The following NEIL3 variants were observed in gnomAD, a reference collection of about 807,000 sequenced individuals.
NEIL3 encodes the protein nei like DNA glycosylase 3, also known as endonuclease 8-like 3.
NEIL3 carries 48 observed loss-of-function variants against 57.5 expected under a neutral mutation model. The ratio of observed to expected loss-of-function variants is 0.83; its 90% CI spans 0.66 to 1.06. The LOEUF (loss-of-function observed/expected upper bound fraction) is 1.06, where lower values mean the gene tolerates loss of function less well. NEIL3 is among the 50% of genes least tolerant of loss of function. NEIL3 has a pLI of 0.00. For synonymous variants in NEIL3, 261 were observed against 253.2 expected (o/e 1.03, Z -0.29); for missense variants, 717 against 739.1 (o/e 0.97, Z 0.35).
intron 6 of NEIL3, among the ~76,000 whole-genome samples, chr4:177,347,067 A>G (rs1011880337): frequency 2.0e-5 from 3 of 152,206 alleles, no homozygotes; most frequent in East Asian, 3.9e-4. Context: ...TGAGGCGATG[A>G]TAAGTGGTGA....
At chr4:177,330,314 C>T (rs1042713454) in intron 2 of NEIL3, among the ~76,000 whole-genome samples, 20 of 152,084 alleles carry the variant, frequency 1.3e-4, no homozygotes, top group Admixed American at 5.2e-4. Flanking sequence ...AAAATGAAAA[C>T]GCCAGATCAA....
the NEIL3 span, among the ~76,000 whole-genome samples, chr4:177,371,097 A>T: frequency 7.9e-5 from 12 of 152,360 alleles, no homozygotes; most frequent in Non-Finnish European, 1.6e-4. Flanking sequence ...TTAAAACTAC[A>T]TACTAGCATT....
intron 2 of NEIL3, among the ~76,000 whole-genome samples, chr4:177,333,718 A>AT (rs1463444548): frequency 6.6e-6 from 1 of 152,198 alleles, no homozygotes; most frequent in African/African-American, 2.4e-5. Flanking sequence ...TCATTCCCAT[A>AT]GACAGCTCTC....
In NEIL3 at chr4:177,310,022, G is replaced by A. The variant is rs141063624; in HGVS notation, c.69G>A (p.Ala23=). 1,957 of 1,610,546 alleles carry A rather than the reference G, an allele frequency of 1.2e-3. 8 individuals carry two copies. Among genetic ancestry groups the A allele is most frequent in the Non-Finnish European group, 1.5e-3 (1,767 of 1,179,006 alleles). The part of the protein sequence containing the change: ...KIRARVLPGQ[A]VTGVRGSALR... ...GCGCGCGGGTGCTCCCGGGCCAGGC[G>A]GTGACCGGCGTGCGGGGAAGCGCTC... The change falls in exon 1 of 10, where the codon GCG becomes GCA. Residue 23 remains alanine (A), a synonymous_variant. Coordinates refer to ENST00000264596, the MANE Select transcript of NEIL3 (RefSeq NM_018248.3).
chr4:177,348,571 A>G (rs955384269), intron 6 of NEIL3, among the ~76,000 whole-genome samples: 1 of 152,042 alleles, frequency 6.6e-6, no homozygotes, highest in African/African-American at 2.4e-5. Flanking sequence ...GCTGCCTGCA[A>G]TCCTCTGAGT....
chr4:177,362,179 A>G (rs1001849457), intron 9 of NEIL3, 110 bp from the exon 10 acceptor site: 2 of 629,598 alleles, frequency 3.2e-6, no homozygotes, highest in Middle Eastern at 5.4e-4. Context: ...TGTCAAATTA[A>G]TGATAACAGC....
chr4:177,346,070 AT>A (rs1735214933), intron 6 of NEIL3, among the ~76,000 whole-genome samples: 1 of 152,176 alleles, frequency 6.6e-6, no homozygotes, highest in Non-Finnish European at 1.5e-5. Context: ...TAATGAACAA[AT>A]TTTGCCCCTA....
intron 2 of NEIL3, 21 bp downstream of exon 2, chr4:177,322,601 A>C (rs1355328168): frequency 6.2e-7 from 1 of 1,613,528 alleles, no homozygotes; most frequent in South Asian, 1.1e-5. Flanking sequence ...CCTGTACGAT[A>C]CATCTTATCT....
Position 177,309,994 on chromosome 4 carries a change from T to C in NEIL3, c.41T>C (p.Ile14Thr), listed in dbSNP as rs753098676. Residue 14 changes from isoleucine (I) to threonine (T), a missense_variant, in exon 1 of 10, where the codon ATT becomes ACT. Ile to Thr is a moderately conservative substitution (Grantham distance 89, BLOSUM62 -1). Transcript: ENST00000264596. ...GPGCTLNGEK[I>T]RARVLPGQAV... ...GGCTGTACTCTGAATGGAGAGAAGA[T>C]TCGCGCGCGGGTGCTCCCGGGCCAG... The C allele has an allele frequency of 6.2e-7, 1 of 1,610,242 alleles. No homozygotes were observed. Among genetic ancestry groups the C allele is most frequent in the Non-Finnish European group, 8.5e-7 (1 of 1,178,672 alleles).
downstream of NEIL3, among the ~76,000 whole-genome samples, chr4:177,367,460 C>G (rs555296690): frequency 6.6e-6 from 1 of 152,236 alleles, no homozygotes; most frequent in South Asian, 2.1e-4. Flanking sequence ...CAGGTGATCC[C>G]CTGGGTTGCC....
intron 8 of NEIL3, chr4:177,356,905 G>A (rs1259941802): frequency 1.3e-5 from 2 of 152,336 alleles, no homozygotes. Context: ...AAGAATGCAT[G>A]TGTTTTAGGC....
Position 177,362,544 on chromosome 4 carries a change from A to C in NEIL3, c.*73A>C. On this transcript the variant is annotated 3_prime_UTR_variant, in exon 10 of 10. Coordinates refer to ENST00000264596, the MANE Select transcript of NEIL3 (RefSeq NM_018248.3). ...TTTGGTCCTCCTCTGTTTCATAGAA[A>C]AGTCATAGAATATCTATGATACATT... The C allele has an allele frequency of 8.4e-7, 1 of 1,187,044 alleles. No homozygotes were observed. Among genetic ancestry groups the C allele is most frequent in the Non-Finnish European group, 1.2e-6 (1 of 849,258 alleles). 73.5% of individuals were successfully genotyped at this position (1,187,044 alleles called of 1,614,324 possible). A position where few individuals can be genotyped will look rare whatever the true frequency, so the allele number is the denominator to read the frequency against.
At chr4:177,363,965 G>A (rs1735657458), downstream of NEIL3, among the ~76,000 whole-genome samples, 1 of 152,096 alleles carries the variant, frequency 6.6e-6, no homozygotes, top group South Asian at 2.1e-4. Flanking sequence ...GCCCAGGCTG[G>A]TTTCTTCTGG....
intron 6 of NEIL3, among the ~76,000 whole-genome samples, chr4:177,342,752 C>A (rs571860955): frequency 1.4e-4 from 21 of 152,284 alleles, no homozygotes; most frequent in South Asian, 4.1e-4. Context: ...AAAAAAGGAG[C>A]ATGGCCACAA....
At chr4:177,325,623 G>C (rs960306638) in intron 2 of NEIL3, among the ~76,000 whole-genome samples, 2 of 151,990 alleles carry the variant, frequency 1.3e-5, no homozygotes, top group African/African-American at 4.8e-5. Flanking sequence ...ACTTTAAGAG[G>C]AATTGCCAAA....
chr4:177,359,091 T>G (rs1735547895), intron 8 of NEIL3, among the ~76,000 whole-genome samples: 1 of 152,182 alleles, frequency 6.6e-6, no homozygotes, highest in Non-Finnish European at 1.5e-5. Context: ...AGGGGGTTGG[T>G]GAACTGAAAG....
chr4:177,314,056 A>G (rs1734524819), intron 1 of NEIL3, among the ~76,000 whole-genome samples: 1 of 152,190 alleles, frequency 6.6e-6, no homozygotes, highest in African/African-American at 2.4e-5. Context: ...GCTAATCTAC[A>G]GAGATTCATT....
chr4:177,370,275 G>A, the NEIL3 span, among the ~76,000 whole-genome samples: 3 of 152,196 alleles, frequency 2.0e-5, no homozygotes, highest in Non-Finnish European at 4.4e-5. Context: ...TCAGGTATCA[G>A]AACAATGAAT....
At chr4:177,332,924 A>T (rs1734908895) in intron 2 of NEIL3, among the ~76,000 whole-genome samples, 1 of 152,170 alleles carries the variant, frequency 6.6e-6, no homozygotes, top group Non-Finnish European at 1.5e-5. Flanking sequence ...GGGCTTAAGA[A>T]AATGTATGAT....
Sources: allele counts gnomAD v4.1 joint callset (sites outside exome capture counted in the v4.1 genomes callset), GRCh38; gene constraint gnomAD v4.1.1; transcripts MANE v1.5; gene names NCBI Gene and HGNC (gene_info 2026-07-23, HGNC 2026-07-21).